Variants in ITPKA observed in about 807,000 individuals in gnomAD.
The protein encoded by ITPKA is IP3 3-kinase A.
ITPKA carries 16 observed loss-of-function variants against 40.7 expected under a neutral mutation model. That is an observed-to-expected ratio of 0.39 (90% CI 0.27 to 0.60). The LOEUF is 0.60. Ranked by LOEUF, ITPKA falls within the 20% of genes least tolerant of loss-of-function variation. The pLI is 0.50. For missense variants in ITPKA, 540 were observed against 649.3 expected (o/e 0.83, Z 1.83); for synonymous variants, 313 against 289.9 (o/e 1.08, Z -0.81).
intron 1 of ITPKA, among the ~76,000 whole-genome samples, chr15:41,496,420 C>T (rs2051072468): frequency 6.6e-6 from 1 of 152,224 alleles, no homozygotes; most frequent in South Asian, 2.1e-4. Context: ...CTCCTAGGAG[C>T]CCTCTCCAGC....
intron 1 of ITPKA, among the ~76,000 whole-genome samples, chr15:41,496,852 C>T (rs1320742291): frequency 2.0e-5 from 3 of 152,178 alleles, no homozygotes; most frequent in Admixed American, 6.5e-5. Context: ...GATTGCTCTT[C>T]CCACCACCAC....
chr15:41,499,877 C>CA (rs944156910), intron 1 of ITPKA, among the ~76,000 whole-genome samples: 1 of 151,246 alleles, frequency 6.6e-6, no homozygotes, highest in African/African-American at 2.4e-5. Flanking sequence ...AAAACAAAAA[C>CA]AAAAAACAAA....
chr15:41,502,191 A>G lies in ITPKA; in HGVS notation c.998A>G (p.Glu333Gly). 1 of 1,576,836 alleles carries G rather than the reference A, an allele frequency of 6.3e-7. No individual in the cohort carries two copies. The highest frequency in any genetic ancestry group is 8.6e-7 in the Non-Finnish European group (1 of 1,161,610). ...AGCACCACCCTCGGCTTCCGCATCG[A>G]GGGCATCAAGGTGAGGCAGGCGCGC... ...SSSTTLGFRI[E>G]GIKKADGSCS... Residue 333 changes from glutamate to glycine, a missense_variant, in exon 4 of 7, where the codon GAG (glutamate) becomes GGG (glycine). By Grantham distance (98) the Glu-to-Gly change is moderately conservative. Transcript: ENST00000260386.
intron 3 of ITPKA, 51 bp from the exon 4 acceptor site, chr15:41,501,946 G>A (rs774482933): frequency 1.3e-6 from 2 of 1,594,266 alleles, no homozygotes; most frequent in African/African-American, 2.7e-5. Flanking sequence ...TGCTCGAAGG[G>A]GTCTCCGTGT....
In ITPKA at chr15:41,502,977, G is replaced by T; in HGVS notation, c.1197G>T (p.Ser399=). 6.2e-7 allele frequency: 1 copy of T among 1,602,202 alleles called. No individual in the cohort carries two copies. The highest frequency in any genetic ancestry group is 8.5e-7 in the Non-Finnish European group (1 of 1,173,652). The change falls in exon 7 of 7, where the codon TCG becomes TCT. Residue 399 remains serine (S), a synonymous_variant. Coordinates refer to ENST00000260386, the MANE Select transcript of ITPKA (RefSeq NM_002220.3). ...GGGGCTCGCAGGTGATCGGCAGCTC[G>T]CTCCTCTTTGTGCACGATCACTGCC... is the stretch of plus-strand genomic sequence containing the variant. The part of the protein sequence containing the change: ...FFRRHEVIGS[S]LLFVHDHCHR...
chr15:41,502,287 TCCG>T, intron 4 of ITPKA, 86 bp downstream of exon 4: 4 of 1,011,260 alleles, frequency 4.0e-6, no homozygotes, highest in Non-Finnish European at 5.6e-6. Context: ...CGCCTGCCCC[TCCG>T]CCCTCTCCCA....
intron 1 of ITPKA, among the ~76,000 whole-genome samples, chr15:41,495,407 C>G (rs575378656): frequency 6.6e-6 from 1 of 152,204 alleles, no homozygotes; most frequent in Non-Finnish European, 1.5e-5. Flanking sequence ...CGCGGCGGGG[C>G]GGGGAGAGCT....
At chr15:41,499,180 C>T (rs2051093709) in intron 1 of ITPKA, among the ~76,000 whole-genome samples, 1 of 152,122 alleles carries the variant, frequency 6.6e-6, no homozygotes, top group African/African-American at 2.4e-5. Flanking sequence ...TATTATGCAG[C>T]AGAATGCAAA....
rs1037545477 is a variant in ITPKA, at chr15:41,494,821, G to A, written c.489+405G>A. ...TCCCTTACCCCCCGCCCCCTCTCCG[G>A]TGCCGCGGCCGCACCCCCGCCGTTG... On this transcript the variant is annotated intron_variant, in intron 1 of 6. Coordinates refer to ENST00000260386, the MANE Select transcript of ITPKA (RefSeq NM_002220.3). This position sits in a 1 kb window ranked among gnomAD's most constrained non-coding sequence, Gnocchi z 7.8. Among the ~76,000 whole-genome samples, 5 of 152,184 alleles carry A rather than the reference G, an allele frequency of 3.3e-5. No homozygotes were observed. Among genetic ancestry groups the A allele is most frequent in the Non-Finnish European group, 7.4e-5 (5 of 68,016 alleles).
Position 41,501,620 on chromosome 15 carries a change from G to A in ITPKA, c.587-15G>A. 1 of 1,598,536 alleles carries A rather than the reference G, an allele frequency of 6.3e-7. No homozygotes were observed. The highest frequency in any genetic ancestry group is 8.5e-7 in the Non-Finnish European group (1 of 1,173,868). ...GGGAAGGGGCTGGGCGGCGCTGACGGATGCCGGTCCTCAGGGAGTTTTAAG... is the reference window on the plus strand; with the variant it reads ...GGGAAGGGGCTGGGCGGCGCTGACGAATGCCGGTCCTCAGGGAGTTTTAAG... On this transcript the variant is annotated splice_polypyrimidine_tract_variant and intron_variant, in intron 2 of 6. Coordinates refer to ENST00000260386, the MANE Select transcript of ITPKA (RefSeq NM_002220.3).
Position 41,502,475 on chromosome 15 carries a change from A to G in ITPKA, c.1082A>G (p.Glu361Gly). The G allele has an allele frequency of 6.3e-7, 1 of 1,598,606 alleles. No homozygotes were observed. The highest frequency in any genetic ancestry group is 8.6e-7 in the Non-Finnish European group (1 of 1,166,678). Residue 361 changes from glutamate (E) to glycine (G), a missense_variant, in exon 5 of 7, where the codon GAG (glutamate) becomes GGG (glycine). Coordinates refer to ENST00000260386, the MANE Select transcript of ITPKA (RefSeq NM_002220.3). The stretch of plus-strand genomic sequence containing the variant: ...GAGCAGGTGCTTCGCGTCTTTGAAG[A>G]GTTTGTGCAAGGAGATGAGGAAGTG... ...SREQVLRVFEEFVQGDEEVLR... is the reference protein window; with the variant it reads ...SREQVLRVFEGFVQGDEEVLR...
At chr15:41,498,432 T>C (rs2051088955) in intron 1 of ITPKA, among the ~76,000 whole-genome samples, 1 of 152,210 alleles carries the variant, frequency 6.6e-6, no homozygotes, top group Non-Finnish European at 1.5e-5. Flanking sequence ...GACACCATTT[T>C]ACCCCTGCTT....
At chr15:41,499,133 G>T (rs939810670) in intron 1 of ITPKA, among the ~76,000 whole-genome samples, 5 of 152,318 alleles carry the variant, frequency 3.3e-5, no homozygotes, top group African/African-American at 9.6e-5. Flanking sequence ...TTACTTGAGG[G>T]TTTGGAGGTG....
chr15:41,496,179 C>T (rs539427821), intron 1 of ITPKA, among the ~76,000 whole-genome samples: 2 of 152,378 alleles, frequency 1.3e-5, no homozygotes, highest in South Asian at 4.1e-4. Context: ...GCGGACTTTG[C>T]CTCGCCGCAG....
Position 41,494,239 on chromosome 15 carries a change from C to T in ITPKA, c.312C>T (p.Asp104=). 1 of 1,542,224 alleles carries T rather than the reference C, an allele frequency of 6.5e-7. No individual in the cohort carries two copies. Among genetic ancestry groups the T allele is most frequent in the Non-Finnish European group, 8.7e-7 (1 of 1,151,772 alleles). The stretch of plus-strand genomic sequence containing the variant: ...CTGGGCCGCCGGAGCGGGAGAGGGA[C>T]TGCCTCCCGGCAGCGGGCTCTTCGC... ...TSPGPPERER[D]CLPAAGSSHL... is the part of the protein sequence containing the mutation. The change falls in exon 1 of 7, where the codon GAC becomes GAT. Residue 104 remains aspartate, a synonymous_variant. Coordinates refer to ENST00000260386, the MANE Select transcript of ITPKA (RefSeq NM_002220.3). The surrounding 1 kb of genome is among the most constrained non-coding windows in gnomAD (Gnocchi z 7.8).
chr15:41,502,655 G>T, intron 5 of ITPKA, 133 bp from the exon 6 acceptor site: 1 of 1,005,646 alleles, frequency 9.9e-7, no homozygotes, highest in Non-Finnish European at 1.5e-6. Context: ...TCTGGGCCAC[G>T]CTGGGCGGGG....
chr15:41,494,007 C>T lies in ITPKA; in HGVS notation c.80C>T (p.Pro27Leu). ...RPCSPGLERAPRRSVGELRLL... is the reference protein window; with the variant it reads ...RPCSPGLERALRRSVGELRLL... ...TGCAGCCCGGGGCTGGAGCGGGCCC[C>T]GCGCCGGAGTGTCGGGGAGCTGCGC... The change falls in exon 1 of 7, where the codon CCG becomes CTG. Residue 27 changes from proline (P) to leucine (L), a missense_variant. Coordinates refer to ENST00000260386, the MANE Select transcript of ITPKA (RefSeq NM_002220.3). This position sits in a 1 kb window ranked among gnomAD's most constrained non-coding sequence, Gnocchi z 7.8. The T allele has an allele frequency of 4.3e-6, 5 of 1,170,538 alleles. No individual in the cohort carries two copies. Among genetic ancestry groups the T allele is most frequent in the Non-Finnish European group, 5.3e-6 (5 of 949,102 alleles). The allele number at this position is 1,170,538 out of a possible 1,614,324, so 72.5% of individuals were successfully genotyped here.
rs182114810 is a variant in ITPKA at position 41,503,188 on chromosome 15, G to T, written c.*22G>T. The stretch of plus-strand genomic sequence containing the variant: ...ATGAGGCTGGACTCCTGTCCCCGCG[G>T]GCCGCTCACCTGACATGTGGACCTG... On this transcript the variant is annotated 3_prime_UTR_variant, in exon 7 of 7. Coordinates refer to ENST00000260386, the MANE Select transcript of ITPKA (RefSeq NM_002220.3). 4.6e-5 allele frequency: 71 copies of T among 1,535,926 alleles called. No individual in the cohort carries two copies. The African/African-American group carries it at 8.4e-4, about 18-fold the overall frequency.
intron 1 of ITPKA, among the ~76,000 whole-genome samples, chr15:41,496,071 C>T (rs1324617113): frequency 6.6e-6 from 1 of 152,218 alleles, no homozygotes; most frequent in Non-Finnish European, 1.5e-5. Context: ...CACCCCCAGG[C>T]CCGCCGGGGC....
Sources: allele counts gnomAD v4.1 joint callset (sites outside exome capture counted in the v4.1 genomes callset), GRCh38; gene constraint gnomAD v4.1.1; non-coding constraint Gnocchi (gnomAD v3.1); transcripts MANE v1.5; gene names NCBI Gene and HGNC (gene_info 2026-07-23, HGNC 2026-07-21).